FOXN3: variants seen among roughly 807,000 people sequenced by gnomAD.
FOXN3 encodes the protein forkhead box protein N3.
In FOXN3, 7 loss-of-function variants were observed where a neutral mutation model predicts 38.4. That is an observed-to-expected ratio of 0.18 (90% CI 0.10 to 0.34). The LOEUF is 0.34. FOXN3 is among the 10% of genes least tolerant of loss of function. The probability of loss-of-function intolerance (pLI) is 1.00; values close to 1 mark genes in which losing one functional copy is unlikely to be tolerated. For synonymous variants in FOXN3, 230 were observed against 242.2 expected (o/e 0.95, Z 0.47); for missense variants, 456 against 613.4 (o/e 0.74, Z 2.71).
intron 1 of FOXN3, among the ~76,000 whole-genome samples, chr14:89,508,024 C>T (rs868171856): frequency 6.6e-6 from 1 of 152,122 alleles, no homozygotes; most frequent in African/African-American, 2.4e-5. Flanking sequence ...ACTCCAGGCT[C>T]GGGACCCAGG....
At chr14:89,388,872 G>A (rs1890859609) in intron 2 of FOXN3, among the ~76,000 whole-genome samples, 1 of 151,976 alleles carries the variant, frequency 6.6e-6, no homozygotes, top group Non-Finnish European at 1.5e-5. Flanking sequence ...GCTACCAGTG[G>A]CTCAACAGCA....
chr14:89,363,965 T>TATATA (rs1555421717), intron 2 of FOXN3, among the ~76,000 whole-genome samples: 7 of 39,598 alleles, frequency 1.8e-4, no homozygotes, highest in East Asian at 1.6e-3. Flanking sequence ...TATATATATA[T>TATATA]ATATATATAT....
chr14:89,397,570 C>T (rs2140084251), intron 2 of FOXN3, among the ~76,000 whole-genome samples: 1 of 152,184 alleles, frequency 6.6e-6, no homozygotes, highest in South Asian at 2.1e-4. Flanking sequence ...TCTGAGGACC[C>T]CCTACCACCT....
chr14:89,387,253 CTCAATCAATCAA>C (rs575796900), intron 2 of FOXN3, among the ~76,000 whole-genome samples: 1 of 152,072 alleles, frequency 6.6e-6, no homozygotes, highest in African/African-American at 2.4e-5. Flanking sequence ...AAAATTCTGT[CTCAATCAATCAA>C]TCAATCAATC....
In FOXN3 at chr14:89,292,846, G is replaced by A. The variant is rs938531727; in HGVS notation, c.681-11832C>T. The stretch of plus-strand genomic sequence containing the variant: ...CTCCAGCCTCTCTCCCCTCTCCACC[G>A]CACGACCTCCCACATGCACTCACAT... On this transcript the variant is annotated intron_variant, in intron 3 of 5. Coordinates refer to ENST00000557258, the MANE Select transcript of FOXN3 (RefSeq NM_005197.4). 3.3e-5 allele frequency among the ~76,000 whole-genome samples: 5 copies of A among 152,136 alleles called. No individual in the cohort carries two copies. In the South Asian group the frequency reaches 6.2e-4, roughly 19 times the overall value.
At chr14:89,190,508 T>G (rs1887914515) in intron 4 of FOXN3, 7 of 1,401,212 alleles carry the variant, frequency 5.0e-6, no homozygotes, top group South Asian at 1.2e-5. Context: ...GTGTGTGTGT[T>G]TTTCCCCCTG....
intron 4 of FOXN3, among the ~76,000 whole-genome samples, chr14:89,259,431 T>C (rs1885728481): frequency 1.3e-5 from 2 of 152,250 alleles, no homozygotes; most frequent in African/African-American, 4.8e-5. Flanking sequence ...AATTCATGAC[T>C]GATCCCACTC....
chr14:89,456,122 A>G (rs1363121856), intron 1 of FOXN3, among the ~76,000 whole-genome samples: 5 of 138,204 alleles, frequency 3.6e-5, no homozygotes, highest in Non-Finnish European at 7.6e-5. Context: ...TGAACCTGGG[A>G]GGCGGAGGTA....
At chr14:89,531,983 A>G (rs1025368340) in intron 1 of FOXN3, among the ~76,000 whole-genome samples, 2 of 152,178 alleles carry the variant, frequency 1.3e-5, no homozygotes, top group African/African-American at 4.8e-5. Context: ...CTTAAACTCC[A>G]GCGGTTCTTA....
At chr14:89,272,024 T>C (rs1484059051) in intron 4 of FOXN3, among the ~76,000 whole-genome samples, 1 of 152,170 alleles carries the variant, frequency 6.6e-6, no homozygotes, top group East Asian at 1.9e-4. Flanking sequence ...AAAGAAATAA[T>C]GCAGGCCAGG....
chr14:89,192,587 AATATAAACTATATAATATAAGCT>A (rs1887986010), intron 4 of FOXN3, among the ~76,000 whole-genome samples: 1 of 142,044 alleles, frequency 7.0e-6, no homozygotes, highest in South Asian at 2.2e-4. Flanking sequence ...TGTTATATGT[AATATAAACTATATAATATAAGCT>A]ATATAAACTA....
intron 1 of FOXN3, among the ~76,000 whole-genome samples, chr14:89,605,706 TTTG>T (rs1896260143): frequency 6.6e-6 from 1 of 152,190 alleles, no homozygotes; most frequent in African/African-American, 2.4e-5. Flanking sequence ...ATATTATGTT[TTTG>T]TTAACATATT....
chr14:89,457,245 C>CCTA (rs1213009709), intron 1 of FOXN3, among the ~76,000 whole-genome samples: 1 of 152,118 alleles, frequency 6.6e-6, no homozygotes, highest in Non-Finnish European at 1.5e-5. Flanking sequence ...TCACGGAGTG[C>CCTA]CTGTAAAGGT....
chr14:89,252,508 G>C (rs1885489132), intron 4 of FOXN3, among the ~76,000 whole-genome samples: 1 of 152,082 alleles, frequency 6.6e-6, no homozygotes, highest in African/African-American at 2.4e-5. Context: ...TACAAAATTA[G>C]CTGGGCGTGG....
At chr14:89,281,160 G>T (rs1886450575) in intron 3 of FOXN3, 146 bp from the exon 4 acceptor site, 2 of 676,098 alleles carry the variant, frequency 3.0e-6, no homozygotes. Context: ...CATGAGGTCT[G>T]CTTTATTGTA....
chr14:89,331,866 T>C (rs1888256111), intron 3 of FOXN3, among the ~76,000 whole-genome samples: 1 of 145,796 alleles, frequency 6.9e-6, no homozygotes, highest in Non-Finnish European at 1.5e-5. Flanking sequence ...TCATAACCCA[T>C]TACGGAGTGG....
intron 4 of FOXN3, among the ~76,000 whole-genome samples, chr14:89,243,205 T>A (rs1181972810): frequency 6.6e-6 from 1 of 152,162 alleles, no homozygotes; most frequent in African/African-American, 2.4e-5. Context: ...CTAGAACATG[T>A]AAATTTTTTT....
In FOXN3 at chr14:89,595,257, G is replaced by A. The variant is rs181723712; in HGVS notation, c.-15+23771C>T. ...GGAGAATGGTGTGAACCCGGGAGGC[G>A]GAGCTTGCAGTGAGCCGAGATCACG... On this transcript the variant is annotated intron_variant, in intron 1 of 6. Transcript: ENST00000345097. 4.5e-4 allele frequency among the ~76,000 whole-genome samples: 69 copies of A among 151,860 alleles called. No homozygotes were observed. In the East Asian group the frequency reaches 7.8e-3, roughly 17 times the overall value.
chr14:89,368,419 G>C (rs1466364644), intron 2 of FOXN3, among the ~76,000 whole-genome samples: 1 of 151,570 alleles, frequency 6.6e-6, no homozygotes, highest in Non-Finnish European at 1.5e-5. Context: ...AAGGAGGAAA[G>C]ATCACTTGAG....
Sources: allele counts gnomAD v4.1 joint callset (sites outside exome capture counted in the v4.1 genomes callset), GRCh38; gene constraint gnomAD v4.1.1; transcripts MANE v1.5; gene names NCBI Gene and HGNC (gene_info 2026-07-23, HGNC 2026-07-21).